The following RASGRF2 variants were observed in gnomAD, a reference collection of about 807,000 sequenced individuals.
The protein encoded by RASGRF2 is ras-specific guanine nucleotide-releasing factor 2.
A neutral mutation model predicts 151.0 loss-of-function variants in RASGRF2; 76 were observed. The ratio of observed to expected loss-of-function variants is 0.50; its 90% confidence interval spans 0.42 to 0.61. The LOEUF (loss-of-function observed/expected upper bound fraction) is 0.61. Ranked by LOEUF, RASGRF2 falls within the 20% of genes least tolerant of loss-of-function variation. The pLI, the probability that RASGRF2 is intolerant of heterozygous loss-of-function variation, is 0.00. For synonymous variants in RASGRF2, 504 were observed against 566.5 expected, an observed-to-expected ratio of 0.89 and a Z score of 1.57; for missense variants, 1,148 against 1,564.6, an observed-to-expected ratio of 0.73 and a Z score of 4.49.
At chr5:81,042,417 G>A (rs1750705343) in intron 1 of RASGRF2, among the ~76,000 whole-genome samples, 1 of 152,188 alleles carries the variant, frequency 6.6e-6, no homozygotes. Flanking sequence ...GCAGCAATTG[G>A]ACTGCATAAT....
At chr5:81,038,620 G>A (rs1376400788) in intron 1 of RASGRF2, among the ~76,000 whole-genome samples, 3 of 131,342 alleles carry the variant, frequency 2.3e-5, no homozygotes, top group Non-Finnish European at 4.6e-5. Flanking sequence ...ATGTTGCCTA[G>A]GCTGAAGTGC....
At chr5:81,151,974 A>G (rs1248927364) in intron 17 of RASGRF2, among the ~76,000 whole-genome samples, 1 of 152,058 alleles carries the variant, frequency 6.6e-6, no homozygotes, top group Non-Finnish European at 1.5e-5. Flanking sequence ...CTTGGGAACT[A>G]ATGTTAAATC....
chr5:81,023,588 A>C (rs1261167201), intron 1 of RASGRF2, among the ~76,000 whole-genome samples: 4 of 152,222 alleles, frequency 2.6e-5, no homozygotes, highest in Admixed American at 2.6e-4. Context: ...ATTTAGCTGA[A>C]TTTGTTTAAC....
intron 26 of RASGRF2, among the ~76,000 whole-genome samples, chr5:81,220,802 T>A (rs1218816085): frequency 6.6e-6 from 1 of 152,226 alleles, no homozygotes; most frequent in African/African-American, 2.4e-5. Context: ...CATCATTTAT[T>A]CAGATTTCCT....
chr5:81,007,506 G>A (rs1204095926), intron 1 of RASGRF2, among the ~76,000 whole-genome samples: 1 of 152,122 alleles, frequency 6.6e-6, no homozygotes, highest in African/African-American at 2.4e-5. Flanking sequence ...TGTTTAGAGA[G>A]CCCTATTGTC....
At chr5:81,083,269 CTT>C (rs199506836) in intron 7 of RASGRF2, among the ~76,000 whole-genome samples, 43 of 142,994 alleles carry the variant, frequency 3.0e-4, no homozygotes, top group Middle Eastern at 3.7e-3. Flanking sequence ...AGGGTTCTCA[CTT>C]TTTTTTTTTT....
At position 80,960,812 on chromosome 5, in the gene RASGRF2, A is replaced by G. The variant is rs1322910856; in HGVS notation, c.74A>G (p.Lys25Arg). The stretch of plus-strand genomic sequence containing the variant: ...TTTCTGGCGCGCAAGGAGGGCACCA[A>G]GCGCGGCTTCCTGAGTAAGAAGACG... ...LAFLARKEGTKRGFLSKKTAE... is the reference protein window; with the variant it reads ...LAFLARKEGTRRGFLSKKTAE... Residue 25 changes from lysine (K) to arginine (R), a missense_variant, in exon 1 of 27, where the codon AAG (lysine) becomes AGG (arginine). By Grantham distance (26) the Lys-to-Arg change is conservative. This residue lies in a region of RASGRF2 where 221 missense variants were observed against 271.3 expected (regional missense o/e 0.81). Coordinates refer to ENST00000265080, the MANE Select transcript of RASGRF2 (RefSeq NM_006909.3). This position sits in a 1 kb window ranked among gnomAD's most constrained non-coding sequence, Gnocchi z 5.5. The G allele has an allele frequency of 1.9e-6, 3 of 1,613,584 alleles. No individual in the cohort carries two copies. Among genetic ancestry groups the G allele is most frequent in the Non-Finnish European group, 2.5e-6 (3 of 1,179,734 alleles).
rs1413186475 is a variant in RASGRF2, at chr5:81,112,854, G to C, written c.2083G>C (p.Val695Leu). ...IYKRPFTSIPVRSLELFFATS... is the reference protein window; with the variant it reads ...IYKRPFTSIPLRSLELFFATS... ...CAAGAGGCCTTTCACCTCCATCCCT[G>C]TCAGGTACACCTATTGCTAGAGGTT... Residue 695 changes from valine to leucine, a missense_variant, in exon 14 of 27, where the codon GTC becomes CTC. By Grantham distance (32) the Val-to-Leu change is conservative (BLOSUM62 1). Transcript: ENST00000265080. 3.1e-6 allele frequency: 5 copies of C among 1,614,070 alleles called. No individual in the cohort carries two copies. The highest frequency in any genetic ancestry group is 3.4e-6 in the Non-Finnish European group (4 of 1,180,040).
chr5:81,041,343 G>A (rs776425114), intron 1 of RASGRF2, among the ~76,000 whole-genome samples: 6 of 151,376 alleles, frequency 4.0e-5, no homozygotes, highest in African/African-American at 9.7e-5. Flanking sequence ...CTGACTGATC[G>A]TGATCTACTG....
chr5:81,196,151 C>G (rs977809668), intron 18 of RASGRF2, among the ~76,000 whole-genome samples: 1 of 152,064 alleles, frequency 6.6e-6, no homozygotes, highest in Non-Finnish European at 1.5e-5. Flanking sequence ...CACAGCTGCT[C>G]GGGAGGCTGA....
intron 17 of RASGRF2, among the ~76,000 whole-genome samples, chr5:81,127,684 G>A (rs2112573109): frequency 6.6e-6 from 1 of 151,950 alleles, no homozygotes; most frequent in South Asian, 2.1e-4. Flanking sequence ...AGCACTTTGG[G>A]AGGCCGAGGC....
At chr5:81,146,374 C>T (rs963151956) in intron 17 of RASGRF2, among the ~76,000 whole-genome samples, 6 of 152,084 alleles carry the variant, frequency 3.9e-5, no homozygotes, top group Admixed American at 3.9e-4. Flanking sequence ...CTATGTGACA[C>T]ATTCTATGTA....
chr5:81,149,816 A>C (rs1754093544), intron 17 of RASGRF2, among the ~76,000 whole-genome samples: 1 of 152,094 alleles, frequency 6.6e-6, no homozygotes, highest in Non-Finnish European at 1.5e-5. Flanking sequence ...AGTGGATCCT[A>C]GCATTGCCCT....
At chr5:81,218,731 G>T (rs1755797805) in intron 25 of RASGRF2, among the ~76,000 whole-genome samples, 2 of 152,282 alleles carry the variant, frequency 1.3e-5, no homozygotes, top group East Asian at 1.9e-4. Context: ...CTAATTCTGT[G>T]AAGAATGATG....
intron 17 of RASGRF2, among the ~76,000 whole-genome samples, chr5:81,173,910 A>G (rs947648878): frequency 2.0e-5 from 3 of 152,360 alleles, no homozygotes; most frequent in Non-Finnish European, 4.4e-5. Flanking sequence ...GCACCTACAC[A>G]GTATCTGGAA....
rs77352644 is a variant in RASGRF2 at position 81,042,831 on chromosome 5, G to A, written c.289-46G>A. 5 of 1,364,770 alleles carry A rather than the reference G, an allele frequency of 3.7e-6. No homozygotes were observed. The African/African-American group carries it at 5.7e-5, about 16-fold the overall frequency. 84.5% of individuals were successfully genotyped at this position (1,364,770 alleles called of 1,614,324 possible). ...AGATACTGTGTTATTATGCTGTTGT[G>A]CTTGAAAAATAGAACTAAGTTTTTT... On this transcript the variant is annotated intron_variant, in intron 1 of 26. Coordinates refer to ENST00000265080, the MANE Select transcript of RASGRF2 (RefSeq NM_006909.3).
At chr5:80,991,034 G>A (rs1445251748) in intron 1 of RASGRF2, among the ~76,000 whole-genome samples, 2 of 152,082 alleles carry the variant, frequency 1.3e-5, no homozygotes, top group African/African-American at 4.8e-5. Context: ...CATTATTTTT[G>A]TCAGCACTTC....
intron 19 of RASGRF2, among the ~76,000 whole-genome samples, chr5:81,202,926 C>T (rs1040744411): frequency 6.6e-6 from 1 of 152,204 alleles, no homozygotes; most frequent in Admixed American, 6.5e-5. Flanking sequence ...GCTGACTGTT[C>T]GATTACAGAC....
At chr5:81,006,371 A>G (rs1749270293) in intron 1 of RASGRF2, among the ~76,000 whole-genome samples, 1 of 152,216 alleles carries the variant, frequency 6.6e-6, no homozygotes, top group African/African-American at 2.4e-5. Context: ...GACCTTTGAA[A>G]GTGAAAAGTC....
Sources: allele counts gnomAD v4.1 joint callset (sites outside exome capture counted in the v4.1 genomes callset), GRCh38; gene constraint gnomAD v4.1.1; regional missense constraint gnomAD v4.1.1; non-coding constraint Gnocchi (gnomAD v3.1); transcripts MANE v1.5; gene names NCBI Gene and HGNC (gene_info 2026-07-23, HGNC 2026-07-21).